The following PPP3R1 variants were observed in gnomAD, a reference collection of about 807,000 sequenced individuals.
PPP3R1 encodes the protein calcineurin subunit B type 1.
Under a neutral mutation model 22.6 loss-of-function variants are expected in PPP3R1, and 5 were observed. The observed-to-expected ratio is 0.22, with a 90% CI of 0.12 to 0.46. The LOEUF (loss-of-function observed/expected upper bound fraction) is 0.46. PPP3R1 is among the 20% of genes least tolerant of loss of function. The pLI, the probability that PPP3R1 is intolerant of heterozygous loss-of-function variation, is 0.99. For missense variants in PPP3R1, 61 were observed against 203.2 expected (o/e 0.30, Z 4.25); for synonymous variants, 56 against 65.2 (o/e 0.86, Z 0.68).
chr2:68,205,943 C>G (rs1339677730), intron 2 of PPP3R1, among the ~76,000 whole-genome samples: 2 of 152,096 alleles, frequency 1.3e-5, no homozygotes, highest in Non-Finnish European at 2.9e-5. Context: ...CCTCAGCCAC[C>G]TGAGTAGCTG....
chr2:68,240,611 C>T (rs747197151), intron 1 of PPP3R1, among the ~76,000 whole-genome samples: 2 of 152,104 alleles, frequency 1.3e-5, no homozygotes, highest in Non-Finnish European at 2.9e-5. Flanking sequence ...GTGTATGGCT[C>T]CCCCTTAGTT....
chr2:68,251,830 T>C lies in PPP3R1; in HGVS notation c.3+295A>G, dbSNP rs538082788. Among the ~76,000 whole-genome samples, 43 of 127,520 alleles carry C rather than the reference T, an allele frequency of 3.4e-4. No homozygotes were observed. In the South Asian group the frequency reaches 4.4e-3, roughly 13 times the overall value. The allele number at this position is 127,520 out of a possible 152,430, so 83.7% of individuals were successfully genotyped here. A position where few individuals can be genotyped will look rare whatever the true frequency, so the allele number is the denominator to read the frequency against. ...GGTCAGCGGTGCCCGCGGGGGTCGATGCCGGGCGGGACCGGCGGCGCGGGG... is the reference window on the plus strand; with the variant it reads ...GGTCAGCGGTGCCCGCGGGGGTCGACGCCGGGCGGGACCGGCGGCGCGGGG... On this transcript the variant is annotated intron_variant, in intron 1 of 5. Transcript: ENST00000234310.
chr2:68,227,900 T>C (rs1317966147), intron 1 of PPP3R1, among the ~76,000 whole-genome samples: 1 of 152,182 alleles, frequency 6.6e-6, no homozygotes, highest in Non-Finnish European at 1.5e-5. Flanking sequence ...ATGTAGATAG[T>C]CATACCATCT....
intron 2 of PPP3R1, among the ~76,000 whole-genome samples, chr2:68,213,877 A>G (rs1669528342): frequency 6.6e-6 from 1 of 152,214 alleles, no homozygotes; most frequent in South Asian, 2.1e-4. Context: ...TCCTAAGCAA[A>G]AAGAATAAAG....
intron 1 of PPP3R1, among the ~76,000 whole-genome samples, chr2:68,242,155 G>A (rs764768902): frequency 3.1e-4 from 47 of 152,150 alleles, no homozygotes; most frequent in South Asian, 1.0e-3. Flanking sequence ...TGCACCAGGC[G>A]CGGTGGCTCA....
chr2:68,238,636 T>C (rs1670061912), intron 1 of PPP3R1, among the ~76,000 whole-genome samples: 1 of 152,042 alleles, frequency 6.6e-6, no homozygotes, highest in South Asian at 2.1e-4. Flanking sequence ...AAAACTCTCA[T>C]GGCAATAGGT....
intron 2 of PPP3R1, among the ~76,000 whole-genome samples, chr2:68,196,609 T>A (rs1234174165): frequency 6.6e-6 from 1 of 152,180 alleles, no homozygotes; most frequent in Non-Finnish European, 1.5e-5. Context: ...CTGCAAAAAG[T>A]AATGAGTCTT....
At chr2:68,236,269 T>C (rs1417253875) in intron 1 of PPP3R1, among the ~76,000 whole-genome samples, 10 of 152,210 alleles carry the variant, frequency 6.6e-5, no homozygotes, top group African/African-American at 2.4e-4. Flanking sequence ...TAAAGTTTTA[T>C]TGGCATACTG....
intron 1 of PPP3R1, among the ~76,000 whole-genome samples, chr2:68,227,150 T>G (rs1368003904): frequency 6.6e-6 from 1 of 152,102 alleles, no homozygotes; most frequent in Non-Finnish European, 1.5e-5. Flanking sequence ...CACTTTAAGA[T>G]CAAAGTAACT....
intron 2 of PPP3R1, among the ~76,000 whole-genome samples, chr2:68,203,618 T>G (rs1035558931): frequency 5.4e-5 from 8 of 148,964 alleles, no homozygotes; most frequent in Admixed American, 2.7e-4. Flanking sequence ...AAAAAAATGC[T>G]GAAATGAAAG....
rs553968651 is a variant in PPP3R1 at position 68,250,381 on chromosome 2, G to A, written c.3+1744C>T. ...ACAGAGGACGGGGTGCACCGCAAGA[G>A]AGTTACTATTTGGAAACCATACCAC... On this transcript the variant is annotated intron_variant, in intron 1 of 5. Coordinates refer to ENST00000234310, the MANE Select transcript of PPP3R1 (RefSeq NM_000945.4). Among the ~76,000 whole-genome samples, 138 of 152,318 alleles carry A rather than the reference G, an allele frequency of 9.1e-4. 1 individual carries two copies. In the South Asian group the frequency reaches 9.5e-3, roughly 11 times the overall value.
chr2:68,187,202 G>A, intron 4 of PPP3R1, 53 bp downstream of exon 4: 1 of 1,351,522 alleles, frequency 7.4e-7, no homozygotes, highest in Non-Finnish European at 1.0e-6. Flanking sequence ...CTATAATACA[G>A]TATGAAATGA....
intron 1 of PPP3R1, among the ~76,000 whole-genome samples, chr2:68,229,926 A>ATGTGTG (rs548038517): frequency 2.0e-5 from 3 of 149,190 alleles, no homozygotes; most frequent in African/African-American, 7.6e-5. Context: ...GTGTATATAT[A>ATGTGTG]TGTGTGTGTA....
At chr2:68,249,901 AAGAG>A (rs1670310674) in intron 1 of PPP3R1, among the ~76,000 whole-genome samples, 1 of 152,194 alleles carries the variant, frequency 6.6e-6, no homozygotes, top group Non-Finnish European at 1.5e-5. Context: ...TAAGAGTTCT[AAGAG>A]AGATTTTCCA....
At chr2:68,210,856 A>T (rs546512245) in intron 2 of PPP3R1, among the ~76,000 whole-genome samples, 2 of 152,198 alleles carry the variant, frequency 1.3e-5, no homozygotes, top group Non-Finnish European at 2.9e-5. Context: ...CATGCAAAAG[A>T]AATGTTTTTT....
intron 1 of PPP3R1, chr2:68,251,035 G>C (rs1670338217): frequency 6.6e-6 from 1 of 152,230 alleles, no homozygotes; most frequent in Non-Finnish European, 1.5e-5. Context: ...AAGACTTTTA[G>C]AGAAAGCCTA....
At chr2:68,198,192 A>G (rs1674843593) in intron 2 of PPP3R1, among the ~76,000 whole-genome samples, 1 of 145,944 alleles carries the variant, frequency 6.9e-6, no homozygotes, top group Non-Finnish European at 1.5e-5. Context: ...TATAATATAT[A>G]TTTACATATA....
intron 1 of PPP3R1, among the ~76,000 whole-genome samples, chr2:68,231,625 G>A (rs941302254): frequency 4.6e-5 from 7 of 152,104 alleles, no homozygotes; most frequent in African/African-American, 1.7e-4. Flanking sequence ...TTATCATGGA[G>A]ATATTTAAAA....
chr2:68,206,518 T>G (rs1318342672), intron 2 of PPP3R1, among the ~76,000 whole-genome samples: 1 of 152,144 alleles, frequency 6.6e-6, no homozygotes. Flanking sequence ...CAAGTTTGGG[T>G]AGAATGCTGA....
Sources: allele counts gnomAD v4.1 joint callset (sites outside exome capture counted in the v4.1 genomes callset), GRCh38; gene constraint gnomAD v4.1.1; transcripts MANE v1.5; gene names NCBI Gene and HGNC (gene_info 2026-07-23, HGNC 2026-07-21).